The following CPLANE1 variants were observed in gnomAD, a reference collection of about 807,000 sequenced individuals.
CPLANE1 encodes the protein ciliogenesis and planar polarity effector 1.
A neutral mutation model predicts 362.5 loss-of-function variants in CPLANE1; 263 were observed. The ratio of observed to expected loss-of-function variants is 0.73; its 90% CI spans 0.66 to 0.80. CPLANE1 has a LOEUF of 0.80. Among genes scored for constraint, CPLANE1 ranks in the 30% least tolerant of loss-of-function variants. The pLI is 0.00. For missense variants in CPLANE1, 3,461 were observed against 3,793.4 expected (o/e 0.91, Z 2.30); for synonymous variants, 1,212 against 1,302.6 (o/e 0.93, Z 1.50).
At chr5:37,196,516 G>T (rs1787495269) in intron 20 of CPLANE1, among the ~76,000 whole-genome samples, 1 of 152,186 alleles carries the variant, frequency 6.6e-6, no homozygotes, top group African/African-American at 2.4e-5. Flanking sequence ...GGGGATACTT[G>T]ATAGAGGGTG....
rs910110280 is a variant in CPLANE1 at position 37,213,544 on chromosome 5, T to G, written c.2920+15A>C. 1.3e-6 allele frequency: 2 copies of G among 1,493,448 alleles called. No individual in the cohort carries two copies. The highest frequency in any genetic ancestry group is 1.4e-5 in the African/African-American group (1 of 70,992). The allele number at this position is 1,493,448 out of a possible 1,614,324, so 92.5% of individuals were successfully genotyped here. On this transcript the variant is annotated intron_variant, in intron 16 of 52. Transcript: ENST00000651892. ...ATGCAAAAAAAGTTTAAAAAGGATT[T>G]GTTTACTACATTACCTGTTTTAATA...
At chr5:37,083,902 G>T in the CPLANE1 span, among the ~76,000 whole-genome samples, 1 of 152,150 alleles carries the variant, frequency 6.6e-6, no homozygotes, top group South Asian at 2.1e-4. Flanking sequence ...TAGAGACCTA[G>T]ATATTCAAAC....
chr5:37,144,642 G>C (rs2150449836), intron 43 of CPLANE1, among the ~76,000 whole-genome samples: 1 of 151,786 alleles, frequency 6.6e-6, no homozygotes, highest in Admixed American at 6.6e-5. Context: ...ACGAGGTCAG[G>C]AGATCAAGAC....
chr5:37,089,927 T>C, the CPLANE1 span, among the ~76,000 whole-genome samples: 3 of 152,218 alleles, frequency 2.0e-5, no homozygotes, highest in Non-Finnish European at 4.4e-5. Flanking sequence ...ATTCATTTTA[T>C]GGATGATATT....
intron 33 of CPLANE1, 76 bp downstream of exon 33, chr5:37,169,965 G>A (rs1277168563): frequency 2.8e-6 from 4 of 1,428,808 alleles, no homozygotes; most frequent in African/African-American, 1.4e-5. Flanking sequence ...AACCTCAGGT[G>A]TGGCCTGCCA....
At chr5:37,236,088 T>G (rs1366356251) in intron 8 of CPLANE1, among the ~76,000 whole-genome samples, 2 of 151,842 alleles carry the variant, frequency 1.3e-5, no homozygotes, top group Non-Finnish European at 2.9e-5. Context: ...TTGGTCAGTA[T>G]GGTCTCCAAC....
At chr5:37,230,390 A>C (rs1401435093) in intron 9 of CPLANE1, among the ~76,000 whole-genome samples, 4 of 152,070 alleles carry the variant, frequency 2.6e-5, no homozygotes, top group Non-Finnish European at 4.4e-5. Context: ...GTATCCCATA[A>C]ATATGTAAAA....
chr5:37,143,978 C>T (rs1770616472), intron 43 of CPLANE1, among the ~76,000 whole-genome samples: 1 of 150,704 alleles, frequency 6.6e-6, no homozygotes, highest in African/African-American at 2.4e-5. Flanking sequence ...GTGAGGAGGT[C>T]CAACATGCCT....
intron 20 of CPLANE1, 59 bp downstream of exon 20, chr5:37,198,629 TTATAAAAACAATAA>T: frequency 7.1e-7 from 1 of 1,401,468 alleles, no homozygotes; most frequent in Non-Finnish European, 9.7e-7. Flanking sequence ...AATATAACAA[TTATAAAAACAATAA>T]TATAAATATG....
chr5:37,080,287 C>T, the CPLANE1 span, among the ~76,000 whole-genome samples: 2 of 152,214 alleles, frequency 1.3e-5, no homozygotes, highest in African/African-American at 4.8e-5. Flanking sequence ...AAGGACATTA[C>T]CCTGACTCTA....
chr5:37,208,954 GA>G (rs566770381), intron 16 of CPLANE1, among the ~76,000 whole-genome samples: 16 of 147,924 alleles, frequency 1.1e-4, no homozygotes, highest in African/African-American at 4.0e-4. Flanking sequence ...AAAAAGAAAA[GA>G]AAAAAAGAAA....
intron 14 of CPLANE1, among the ~76,000 whole-genome samples, chr5:37,223,216 C>T (rs1795731953): frequency 6.6e-6 from 1 of 152,128 alleles, no homozygotes; most frequent in Non-Finnish European, 1.5e-5. Flanking sequence ...ACACTATATA[C>T]TCTGTTAAGT....
intron 23 of CPLANE1, 136 bp downstream of exon 23, chr5:37,187,278 C>T (rs938680837): frequency 7.1e-6 from 5 of 704,968 alleles, no homozygotes; most frequent in Non-Finnish European, 9.1e-6. Flanking sequence ...CAGTATTTAC[C>T]TTTTTGAACC....
In CPLANE1 at chr5:37,173,904, G is replaced by T; in HGVS notation, c.6022C>A (p.Leu2008Ile). ...TYKEKSSSVP[L>I]LISNGVNVAS... Reference sequence around the variant, plus strand: ...ACATTGACTCCATTTGATATCAGAAGTGGAACTGAGGAAGATTTTTCTTTA... The same window carrying T: ...ACATTGACTCCATTTGATATCAGAATTGGAACTGAGGAAGATTTTTCTTTA... The change falls in exon 32 of 53, where the codon CTT (leucine) becomes ATT (isoleucine). Residue 2008 changes from leucine to isoleucine, a missense_variant. Physicochemically the swap from Leu to Ile is conservative, Grantham distance 5. Around this residue, in one of 2 missense-constraint regions of CPLANE1, gnomAD observed 3,380 missense variants for 3,666.1 expected, o/e 0.92. Coordinates refer to ENST00000651892, the MANE Select transcript of CPLANE1 (RefSeq NM_001384732.1). The T allele has an allele frequency of 6.2e-7, 1 of 1,614,144 alleles. No homozygotes were observed. Among genetic ancestry groups the T allele is most frequent in the African/African-American group, 1.3e-5 (1 of 75,054 alleles).
chr5:37,124,194 ATT>A (rs1212607464), intron 47 of CPLANE1, among the ~76,000 whole-genome samples: 3 of 152,216 alleles, frequency 2.0e-5, no homozygotes, highest in African/African-American at 7.2e-5. Context: ...CACCTAAAGA[ATT>A]TGTTATCCTA....
chr5:37,201,628 G>C lies in CPLANE1; in HGVS notation c.3470C>G (p.Pro1157Arg). 1.2e-6 allele frequency: 2 copies of C among 1,614,136 alleles called. No homozygotes were observed. Among genetic ancestry groups the C allele is most frequent in the Non-Finnish European group, 1.7e-6 (2 of 1,179,984 alleles). ...LVPFGLYLPA[P>R]PLYCPQPAIL... ...AGCTGGCTGGGGACAGTACAATGGA[G>C]GAGCTGGAAGATACAAGCCGAATGG... The change falls in exon 19 of 53, where the codon CCT becomes CGT. Residue 1157 changes from proline (P) to arginine (R), a missense_variant. By Grantham distance (103) the Pro-to-Arg change is moderately radical. This residue lies in a region of CPLANE1 where 3,380 missense variants were observed against 3,666.1 expected (regional missense o/e 0.92). Transcript: ENST00000651892.
chr5:37,186,223 CA>C (rs1218419254), intron 24 of CPLANE1, 62 bp downstream of exon 24: 42 of 887,816 alleles, frequency 4.7e-5, no homozygotes, highest in Admixed American at 2.7e-4. Context: ...TAAATATTTT[CA>C]AAACAAAAAG....
At chr5:37,187,669 C>T (rs1784434171) in intron 22 of CPLANE1, 64 bp downstream of exon 22, 1 of 1,555,846 alleles carries the variant, frequency 6.4e-7, no homozygotes, top group African/African-American at 1.4e-5. Flanking sequence ...ATAAAATCTT[C>T]TTTTAAACAA....
intron 4 of CPLANE1, among the ~76,000 whole-genome samples, 186 bp from the exon 5 acceptor site, chr5:37,244,793 TTG>T (rs1472419643): frequency 1.3e-5 from 2 of 151,810 alleles, no homozygotes; most frequent in Non-Finnish European, 2.9e-5. Context: ...TCCCAGCACT[TTG>T]GGAGGCTTAA....
Sources: gnomAD v4.1 joint callset for allele counts (sites outside exome capture counted in the v4.1 genomes callset) on GRCh38, gnomAD v4.1.1 for gene constraint, gnomAD v4.1.1 regional missense constraint, MANE v1.5 for transcripts, NCBI Gene and HGNC (gene_info 2026-07-23, HGNC 2026-07-21) for gene names.